Variants in TRIM45 observed in about 807,000 individuals in gnomAD.
TRIM45 encodes the protein E3 ubiquitin-protein ligase TRIM45.
Under a neutral mutation model 46.7 loss-of-function variants are expected in TRIM45, and 45 were observed. That is an observed-to-expected ratio of 0.96 (90% CI 0.76 to 1.24). TRIM45 has a LOEUF of 1.24. TRIM45 is among the 50% of genes most tolerant of loss of function. The pLI, the probability that TRIM45 is intolerant of heterozygous loss-of-function variation, is 0.00. For synonymous variants in TRIM45, 259 were observed against 285.8 expected, an observed-to-expected ratio of 0.91 and a Z score of 0.94; for missense variants, 680 against 728.4, an observed-to-expected ratio of 0.93 and a Z score of 0.77.
chr1:117,117,980 A>C lies in TRIM45; in HGVS notation c.1222+54T>G. ...AGCAGAACAAGCCACCAATCTTCACACACCACCTCCCTGTCCACTGCCCTC... is the reference window on the plus strand; with the variant it reads ...AGCAGAACAAGCCACCAATCTTCACCCACCACCTCCCTGTCCACTGCCCTC... On this transcript the variant is annotated intron_variant, in intron 2 of 5. Coordinates refer to ENST00000256649, the MANE Select transcript of TRIM45 (RefSeq NM_025188.4). The surrounding 1 kb of genome is among the most constrained non-coding windows in gnomAD (Gnocchi z 4.9). 1 of 1,567,830 alleles carries C rather than the reference A, an allele frequency of 6.4e-7. No homozygotes were observed. Among genetic ancestry groups the C allele is most frequent in the Non-Finnish European group, 8.6e-7 (1 of 1,157,172 alleles).
Position 117,121,645 on chromosome 1 carries a change from C to T in TRIM45, c.-444G>A. 1 of 548,212 alleles carries T rather than the reference C, an allele frequency of 1.8e-6. No individual in the cohort carries two copies. Among genetic ancestry groups the T allele is most frequent in the Non-Finnish European group, 3.2e-6 (1 of 310,042 alleles). The allele number at this position is 548,212 out of a possible 1,614,324, so 34.0% of individuals were successfully genotyped here. The stretch of plus-strand genomic sequence containing the variant: ...GTAGGGGCCCTCTTGCTCCTTCCCT[C>T]TGCGAAAGGCGCGCGCCGGGTGAGG... On this transcript the variant is annotated 5_prime_UTR_variant, in exon 1 of 6. Transcript: ENST00000256649. The surrounding 1 kb of genome is among the most constrained non-coding windows in gnomAD (Gnocchi z 4.2).
At position 117,117,903 on chromosome 1, in the gene TRIM45, G is replaced by C. The variant is rs1011781797; in HGVS notation, c.1222+131C>G. ...CAAAGGTGGGGGTCACTGTCTTTCA[G>C]ATCAGTTTATCTCCCCACCTTTGGT... On this transcript the variant is annotated intron_variant, in intron 2 of 5. Coordinates refer to ENST00000256649, the MANE Select transcript of TRIM45 (RefSeq NM_025188.4). This position sits in a 1 kb window ranked among gnomAD's most constrained non-coding sequence, Gnocchi z 4.9. The C allele has an allele frequency of 2.5e-6, 3 of 1,217,416 alleles. No individual in the cohort carries two copies. Among genetic ancestry groups the C allele is most frequent in the Non-Finnish European group, 3.5e-6 (3 of 868,542 alleles). The allele number at this position is 1,217,416 out of a possible 1,614,324, so 75.4% of individuals were successfully genotyped here.
Position 117,116,706 on chromosome 1 carries a change from G to A in TRIM45, c.1262C>T (p.Thr421Ile), listed in dbSNP as rs1357823267. Residue 421 changes from threonine to isoleucine, a missense_variant, in exon 3 of 6, where the codon ACC (threonine) becomes ATC (isoleucine). Thr to Ile is a moderately conservative substitution (Grantham distance 89, BLOSUM62 -1). Transcript: ENST00000256649. The surrounding 1 kb of genome is among the most constrained non-coding windows in gnomAD (Gnocchi z 4.6). ...TCCTGCGGCATCCTTACAAAGCAGG[G>A]TGAAAGAGGCCGTCTGTTTCTCCCG... Reference protein sequence around the residue: ...RAREKQTASFTLLCKDAAGEI... With the variant: ...RAREKQTASFILLCKDAAGEI... 1 of 1,614,138 alleles carries A rather than the reference G, an allele frequency of 6.2e-7. No individual in the cohort carries two copies. The highest frequency in any genetic ancestry group is 2.2e-5 in the East Asian group (1 of 44,882).
rs1262344418 is a variant in TRIM45, at chr1:117,121,110, AG to A, written c.91del (p.Leu31CysfsTer31). The A allele has an allele frequency of 1.2e-6, 2 of 1,613,638 alleles. No individual in the cohort carries two copies. The highest frequency in any genetic ancestry group is 1.7e-6 in the Non-Finnish European group (2 of 1,179,764). On this transcript the variant is annotated frameshift_variant, in exon 1 of 6. Transcript: ENST00000256649. LOFTEE classifies it high-confidence loss of function. This position sits in a 1 kb window ranked among gnomAD's most constrained non-coding sequence, Gnocchi z 4.2. ...LGNSGKTHCP[L>X]CLGLFKAPRL... ...GGGGGCTTTGAAAAGCCCCAAGCACAGGGGGCAGTGAGTCTTGCCTGAGTTC... is the reference window on the plus strand; with the variant it reads ...GGGGGCTTTGAAAAGCCCCAAGCACAGGGGCAGTGAGTCTTGCCTGAGTTC...
In TRIM45 at chr1:117,113,971, C is replaced by G. The variant is rs902198829; in HGVS notation, c.1468-486G>C. Reference sequence around the variant, plus strand: ...AGATCATTCAATACATTAGTAATCTCAGACTGACTTTTCTCTGGGATTCTC... The same window carrying G: ...AGATCATTCAATACATTAGTAATCTGAGACTGACTTTTCTCTGGGATTCTC... On this transcript the variant is annotated intron_variant, in intron 4 of 5. Transcript: ENST00000256649. This position sits in a 1 kb window ranked among gnomAD's most constrained non-coding sequence, Gnocchi z 4.0. Among the ~76,000 whole-genome samples, 11 of 152,210 alleles carry G rather than the reference C, an allele frequency of 7.2e-5. No individual in the cohort carries two copies. Among genetic ancestry groups the G allele is most frequent in the Non-Finnish European group, 7.3e-5 (5 of 68,036 alleles).
Position 117,116,669 on chromosome 1 carries a change from G to A in TRIM45, c.1299C>T (p.Gly433=). 6.2e-7 allele frequency: 1 copy of A among 1,613,960 alleles called. No homozygotes were observed. Among genetic ancestry groups the A allele is most frequent in the Non-Finnish European group, 8.5e-7 (1 of 1,180,010 alleles). ...LCKDAAGEIM[G]RGGDNVQVAV... ...CAACTTGAACGTTGTCTCCTCCCCT[G>A]CCCATGATTTCTCCTGCGGCATCCT... The change falls in exon 3 of 6, where the codon GGC becomes GGT. Residue 433 remains glycine (G), a synonymous_variant. Coordinates refer to ENST00000256649, the MANE Select transcript of TRIM45 (RefSeq NM_025188.4). This position sits in a 1 kb window ranked among gnomAD's most constrained non-coding sequence, Gnocchi z 4.6.
chr1:117,116,467 G>C lies in TRIM45; in HGVS notation c.1352+149C>G. ...TTGCCCAGGCTGGTCTTGAACTCTT[G>C]GGCTTAAGCGATCCTCCTGCCTCCA... On this transcript the variant is annotated intron_variant, in intron 3 of 5. Transcript: ENST00000256649. The surrounding 1 kb of genome is among the most constrained non-coding windows in gnomAD (Gnocchi z 4.6). 9.6e-7 allele frequency: 1 copy of C among 1,045,112 alleles called. No homozygotes were observed. The highest frequency in any genetic ancestry group is 1.4e-6 in the Non-Finnish European group (1 of 734,628). The allele number at this position is 1,045,112 out of a possible 1,614,324, so 64.7% of individuals were successfully genotyped here.
chr1:117,120,916 C>A lies in TRIM45; in HGVS notation c.286G>T (p.Val96Leu), dbSNP rs1270908861. Residue 96 changes from valine (V) to leucine (L), a missense_variant, in exon 1 of 6, where the codon GTA (valine) becomes TTA (leucine). Physicochemically the swap from Val to Leu is conservative, Grantham distance 32. Around this residue, in one of 3 missense-constraint regions of TRIM45, gnomAD observed 349 missense variants for 343.6 expected, o/e 1.02. Transcript: ENST00000256649. ...LQSQIGILCP[V>L]CDAQVDLPMG... ...GGCAGGTCCACCTGAGCATCACATA[C>A]AGGACAAAGGATGCCGATCTGCGAC... The A allele has an allele frequency of 2.8e-5, 46 of 1,614,084 alleles. No homozygotes were observed. The highest frequency in any genetic ancestry group is 3.8e-5 in the Non-Finnish European group (45 of 1,180,042).
rs372849454 is a variant in TRIM45, at chr1:117,118,174, T to C, written c.1082A>G (p.Gln361Arg). Residue 361 changes from glutamine (Q) to arginine (R), a missense_variant, in exon 2 of 6, where the codon CAA (glutamine) becomes CGA (arginine). Physicochemically the swap from Gln to Arg is conservative, Grantham distance 43. Transcript: ENST00000256649. The surrounding 1 kb of genome is among the most constrained non-coding windows in gnomAD (Gnocchi z 5.7). ...VERLRKLNKVQYSTRPGVNDK... is the reference protein window; with the variant it reads ...VERLRKLNKVRYSTRPGVNDK... Reference sequence around the variant, plus strand: ...ATTTACTCCAGGACGGGTGCTATATTGAACTTTGTTCAGCTTCCTGAGCCG... The same window carrying C: ...ATTTACTCCAGGACGGGTGCTATATCGAACTTTGTTCAGCTTCCTGAGCCG... The C allele has an allele frequency of 1.1e-5, 18 of 1,614,120 alleles. No individual in the cohort carries two copies. Among genetic ancestry groups the C allele is most frequent in the African/African-American group, 5.3e-5 (4 of 74,936 alleles).
At chr1:117,121,946 C>G (rs528009521), upstream of TRIM45, 1 of 675,674 alleles carries the variant, frequency 1.5e-6, no homozygotes, top group South Asian at 1.6e-5. This position sits in a 1 kb window ranked among gnomAD's most constrained non-coding sequence, Gnocchi z 4.2. Flanking sequence ...GGCGGGGCGG[C>G]CGAAGGGCTT....
Position 117,121,724 on chromosome 1 carries a change from G to A in TRIM45, c.-523C>T, listed in dbSNP as rs1019664276. ...GTGTCCACCGCCTCTCCCGCGCCTC[G>A]GCCCGGGACGCCCGCGGGCTCTGGC... is the stretch of plus-strand genomic sequence containing the variant. On this transcript the variant is annotated 5_prime_UTR_variant, in exon 1 of 6. Coordinates refer to ENST00000256649, the MANE Select transcript of TRIM45 (RefSeq NM_025188.4). The surrounding 1 kb of genome is among the most constrained non-coding windows in gnomAD (Gnocchi z 4.2). The A allele has an allele frequency of 1.2e-5, 7 of 593,766 alleles. No homozygotes were observed. The East Asian group carries it at 1.9e-4, about 16-fold the overall frequency. The allele number at this position is 593,766 out of a possible 1,614,324, so 36.8% of individuals were successfully genotyped here. A position where few individuals can be genotyped will look rare whatever the true frequency, so the allele number is the denominator to read the frequency against.
chr1:117,123,096 C>T (rs1418825544), upstream of TRIM45, among the ~76,000 whole-genome samples: 2 of 150,758 alleles, frequency 1.3e-5, no homozygotes, highest in African/African-American at 4.9e-5. Flanking sequence ...TGGCCATTTC[C>T]AAAATATAAC....
intron 1 of TRIM45, among the ~76,000 whole-genome samples, chr1:117,119,348 G>A (rs904532133): frequency 6.6e-6 from 1 of 152,224 alleles, no homozygotes; most frequent in African/African-American, 2.4e-5. Context: ...GCTCACGCCT[G>A]TAACCCCAGC....
At position 117,113,449 on chromosome 1, in the gene TRIM45, G is replaced by T. The variant is rs772199977; in HGVS notation, c.1504C>A (p.Arg502Ser). Residue 502 changes from arginine to serine, a missense_variant, in exon 5 of 6, where the codon CGC becomes AGC. Transcript: ENST00000256649. This position sits in a 1 kb window ranked among gnomAD's most constrained non-coding sequence, Gnocchi z 4.0. ...CAGTGAAACACGCCTGAGTGTGGGC[G>T]GTGCTTTCTCCTCACCATCACAGTG... ...PFTVMVRRKH[R>S]PHSGVFHCCT... 6.2e-7 allele frequency: 1 copy of T among 1,612,810 alleles called. No homozygotes were observed. The highest frequency in any genetic ancestry group is 1.1e-5 in the South Asian group (1 of 91,012).
intron 1 of TRIM45, among the ~76,000 whole-genome samples, chr1:117,119,315 C>T (rs1339952752): frequency 6.6e-6 from 1 of 151,986 alleles, no homozygotes; most frequent in Non-Finnish European, 1.5e-5. Flanking sequence ...CATTAGAAAG[C>T]GTGAAACCGG....
Position 117,121,559 on chromosome 1 carries a change from CGCCGCCCG to C in TRIM45, c.-366_-359del. 2.0e-6 allele frequency: 1 copy of C among 505,158 alleles called. No homozygotes were observed. The highest frequency in any genetic ancestry group is 3.5e-6 in the Non-Finnish European group (1 of 286,766). The allele number at this position is 505,158 out of a possible 1,614,324, so 31.3% of individuals were successfully genotyped here. A position where few individuals can be genotyped will look rare whatever the true frequency, so the allele number is the denominator to read the frequency against. On this transcript the variant is annotated 5_prime_UTR_variant, in exon 1 of 6. Coordinates refer to ENST00000256649, the MANE Select transcript of TRIM45 (RefSeq NM_025188.4). The surrounding 1 kb of genome is among the most constrained non-coding windows in gnomAD (Gnocchi z 4.2). ...GCTCCCTCCACTGCCACCCCCCTCC[CGCCGCCCG>C]CCCCACTGCGCGCCACACGCGACAA...
chr1:117,121,508 C>A lies in TRIM45; in HGVS notation c.-307G>T. On this transcript the variant is annotated 5_prime_UTR_variant, in exon 1 of 6. Coordinates refer to ENST00000256649, the MANE Select transcript of TRIM45 (RefSeq NM_025188.4). This position sits in a 1 kb window ranked among gnomAD's most constrained non-coding sequence, Gnocchi z 4.2. The stretch of plus-strand genomic sequence containing the variant: ...TCTAGCTCTCCAGCTAGTCCTGCTG[C>A]CAACAAAGTCACCCCTGCACCTCTC... 1.9e-6 allele frequency: 1 copy of A among 527,588 alleles called. No homozygotes were observed. Among genetic ancestry groups the A allele is most frequent in the Middle Eastern group, 4.9e-4 (1 of 2,036 alleles). The allele number at this position is 527,588 out of a possible 1,614,324, so 32.7% of individuals were successfully genotyped here.
At position 117,118,741 on chromosome 1, in the gene TRIM45, G is replaced by C; in HGVS notation, c.515C>G (p.Thr172Ser). ...TTTCAAGTCTTTTAGGTCCACCATG[G>C]TGTGGTAAGTCGTTTTCTTCTGCCG... is the stretch of plus-strand genomic sequence containing the variant. ...HRRQKKTTYH[T>S]MVDLKDLKGY... The change falls in exon 2 of 6, where the codon ACC becomes AGC. Residue 172 changes from threonine to serine, a missense_variant. Physicochemically the swap from Thr to Ser is moderately conservative, Grantham distance 58. This residue lies in a region of TRIM45 where 349 missense variants were observed against 343.6 expected (regional missense o/e 1.02). Coordinates refer to ENST00000256649, the MANE Select transcript of TRIM45 (RefSeq NM_025188.4). The surrounding 1 kb of genome is among the most constrained non-coding windows in gnomAD (Gnocchi z 5.7). 1 of 1,613,072 alleles carries C rather than the reference G, an allele frequency of 6.2e-7. No individual in the cohort carries two copies. Among genetic ancestry groups the C allele is most frequent in the Non-Finnish European group, 8.5e-7 (1 of 1,179,774 alleles).
chr1:117,121,457 A>G lies in TRIM45; in HGVS notation c.-256T>C. 1.9e-6 allele frequency: 1 copy of G among 518,310 alleles called. No homozygotes were observed. The highest frequency in any genetic ancestry group is 3.0e-5 in the South Asian group (1 of 32,810). The allele number at this position is 518,310 out of a possible 1,614,324, so 32.1% of individuals were successfully genotyped here. A position where few individuals can be genotyped will look rare whatever the true frequency, so the allele number is the denominator to read the frequency against. ...ACGCCCACGCCCTCCTCTGCCCCGC[A>G]AGTCCTCCCCGGATGCGCTTCCAGG... On this transcript the variant is annotated 5_prime_UTR_variant, in exon 1 of 6. Transcript: ENST00000256649. The surrounding 1 kb of genome is among the most constrained non-coding windows in gnomAD (Gnocchi z 4.2).
Sources: allele counts gnomAD v4.1 joint callset (sites outside exome capture counted in the v4.1 genomes callset), GRCh38; gene constraint gnomAD v4.1.1; regional missense constraint gnomAD v4.1.1; non-coding constraint Gnocchi (gnomAD v3.1); transcripts MANE v1.5; gene names NCBI Gene and HGNC (gene_info 2026-07-23, HGNC 2026-07-21).